The following FMN1 variants were observed in gnomAD, a reference collection of about 807,000 sequenced individuals.
The protein encoded by FMN1 is formin-1.
A neutral mutation model predicts 132.4 loss-of-function variants in FMN1; 110 were observed. That is an observed-to-expected ratio of 0.83 (90% confidence interval 0.71 to 0.97). The LOEUF is 0.97. Ranked by LOEUF, FMN1 falls within the 50% of genes least tolerant of loss-of-function variation. The probability of loss-of-function intolerance (pLI) is 0.00; values close to 1 mark genes in which losing one functional copy is unlikely to be tolerated. For missense variants in FMN1, 1,792 were observed against 1,705.3 expected, an observed-to-expected ratio of 1.05 and a Z score of -0.90; for synonymous variants, 722 against 651.7, an observed-to-expected ratio of 1.11 and a Z score of -1.64.
chr15:32,997,217 C>T (rs1230106743), intron 7 of FMN1, among the ~76,000 whole-genome samples: 1 of 152,136 alleles, frequency 6.6e-6, no homozygotes, highest in South Asian at 2.1e-4. Context: ...CTCCTTTCTT[C>T]CGTACCTCAG....
intron 16 of FMN1, among the ~76,000 whole-genome samples, chr15:32,872,628 A>G (rs2059542044): frequency 6.6e-6 from 1 of 152,244 alleles, no homozygotes; most frequent in South Asian, 2.1e-4. Flanking sequence ...AATCAGTAAG[A>G]GGAAGAGGTA....
chr15:32,985,297 C>G (rs1464629832), intron 7 of FMN1, among the ~76,000 whole-genome samples: 4 of 152,230 alleles, frequency 2.6e-5, no homozygotes, highest in South Asian at 2.1e-4. Flanking sequence ...TCTGATAGTA[C>G]AAATTCCTGG....
intron 19 of FMN1, among the ~76,000 whole-genome samples, chr15:32,793,272 TTTC>T (rs2057155831): frequency 6.6e-6 from 1 of 152,154 alleles, no homozygotes; most frequent in African/African-American, 2.4e-5. Flanking sequence ...TTATTTGTGA[TTTC>T]TTTTTTTCTT....
At chr15:32,882,325 C>T (rs1381880598) in intron 16 of FMN1, among the ~76,000 whole-genome samples, 1 of 152,180 alleles carries the variant, frequency 6.6e-6, no homozygotes, top group Admixed American at 6.5e-5. Context: ...AAAGTAACTT[C>T]CACTTCCTTA....
chr15:33,119,647 C>G (rs1384228762), intron 4 of FMN1, among the ~76,000 whole-genome samples: 3 of 152,196 alleles, frequency 2.0e-5, no homozygotes, highest in East Asian at 1.9e-4. Flanking sequence ...AGTGATCACT[C>G]TGTTTTACAA....
chr15:32,872,938 GA>G lies in FMN1; in HGVS notation c.3835+15233del, dbSNP rs5811714. ...CAGAAAGGCATAAAGAGAAGAGAGG[GA>G]AAAAAAAAAGGATGGAAAGTTATTT... On this transcript the variant is annotated intron_variant, in intron 16 of 20. Coordinates refer to ENST00000616417, the MANE Select transcript of FMN1 (RefSeq NM_001277313.2). Among the ~76,000 whole-genome samples the G allele has an allele frequency of 6.7e-5, 10 of 148,846 alleles. 1 individual carries two copies. The highest frequency in any genetic ancestry group is 5.9e-4 in the East Asian group (3 of 5,114).
At chr15:33,166,190 G>A (rs1224151765) in intron 3 of FMN1, among the ~76,000 whole-genome samples, 2 of 152,188 alleles carry the variant, frequency 1.3e-5, no homozygotes, top group South Asian at 2.1e-4. Flanking sequence ...AAGGAGACAA[G>A]AAATTTCAAA....
Position 33,089,364 on chromosome 15 carries a change from C to T in FMN1, c.1868-390G>A, listed in dbSNP as rs572073272. Among the ~76,000 whole-genome samples, 136 of 152,326 alleles carry T rather than the reference C, an allele frequency of 8.9e-4. 1 individual carries two copies. The highest frequency in any genetic ancestry group is 2.4e-3 in the Admixed American group (36 of 15,304). On this transcript the variant is annotated intron_variant, in intron 4 of 20. Coordinates refer to ENST00000616417, the MANE Select transcript of FMN1 (RefSeq NM_001277313.2). ...GAGCCAAGTCACTAATGTGTGTGTT[C>T]TCCAGGGCAGGAACTGTGCCTTGTT... is the stretch of plus-strand genomic sequence containing the variant.
intron 4 of FMN1, among the ~76,000 whole-genome samples, chr15:33,140,790 A>G (rs1291869117): frequency 5.9e-5 from 9 of 152,242 alleles, no homozygotes. Context: ...ACAGAAGTAA[A>G]GGAAGGAAGC....
chr15:32,894,793 A>C (rs1314074856), intron 15 of FMN1, among the ~76,000 whole-genome samples: 1 of 151,988 alleles, frequency 6.6e-6, no homozygotes, highest in Non-Finnish European at 1.5e-5. Flanking sequence ...AAAAAAAAAA[A>C]AACGCTTACA....
chr15:33,026,034 A>G (rs994994486), intron 6 of FMN1, among the ~76,000 whole-genome samples: 4 of 152,118 alleles, frequency 2.6e-5, no homozygotes, highest in African/African-American at 9.7e-5. Context: ...GGCTCTCAAA[A>G]CTTACACTGT....
At chr15:32,998,716 A>G (rs1377549104) in intron 7 of FMN1, among the ~76,000 whole-genome samples, 5 of 152,236 alleles carry the variant, frequency 3.3e-5, no homozygotes, top group African/African-American at 1.2e-4. Flanking sequence ...CAATAAAAAG[A>G]AAACTGTCTT....
chr15:33,099,572 A>G (rs1337662137), intron 4 of FMN1, among the ~76,000 whole-genome samples: 1 of 152,204 alleles, frequency 6.6e-6, no homozygotes, highest in African/African-American at 2.4e-5. Context: ...TCATAACCCT[A>G]AAAGAAGACA....
intron 10 of FMN1, among the ~76,000 whole-genome samples, chr15:32,910,799 C>T (rs1467143038): frequency 1.3e-5 from 2 of 152,212 alleles, no homozygotes; most frequent in Non-Finnish European, 2.9e-5. Context: ...TTAGGCTCCA[C>T]AGGAGAAGTG....
chr15:33,157,705 A>G (rs576144831), intron 3 of FMN1, among the ~76,000 whole-genome samples: 1 of 152,120 alleles, frequency 6.6e-6, no homozygotes, highest in East Asian at 1.9e-4. Flanking sequence ...TTTAACGCTC[A>G]CGGAGGCCAG....
chr15:33,003,813 C>A (rs2034254517), intron 7 of FMN1, among the ~76,000 whole-genome samples: 1 of 152,178 alleles, frequency 6.6e-6, no homozygotes, highest in South Asian at 2.1e-4. Context: ...GCTACAGTAA[C>A]CAAAACAGCA....
intron 6 of FMN1, among the ~76,000 whole-genome samples, chr15:33,017,281 T>C (rs748284962): frequency 2.0e-5 from 3 of 152,176 alleles, no homozygotes; most frequent in Non-Finnish European, 4.4e-5. Context: ...CCATCTTCAG[T>C]ACAGAGCCAA....
At position 33,026,057 on chromosome 15, in the gene FMN1, A is replaced by G. The variant is rs1024938172; in HGVS notation, c.2162-17982T>C. 3.3e-5 allele frequency among the ~76,000 whole-genome samples: 5 copies of G among 151,994 alleles called. 1 individual carries two copies. Among genetic ancestry groups the G allele is most frequent in the East Asian group, 1.9e-4 (1 of 5,158 alleles). ...AAACTTACACTGTGACAGCATCTGA[A>G]TGGGGTTTAAAAAACCCATGCTATA... On this transcript the variant is annotated intron_variant, in intron 6 of 20. Transcript: ENST00000616417.
chr15:33,059,730 C>A (rs930434631), intron 6 of FMN1, among the ~76,000 whole-genome samples: 4 of 152,326 alleles, frequency 2.6e-5, no homozygotes, highest in African/African-American at 9.6e-5. Flanking sequence ...CTACTGTCAT[C>A]TGTAAAATGA....
Sources: allele counts gnomAD v4.1 joint callset (sites outside exome capture counted in the v4.1 genomes callset), GRCh38; gene constraint gnomAD v4.1.1; transcripts MANE v1.5; gene names NCBI Gene and HGNC (gene_info 2026-07-23, HGNC 2026-07-21).